The following ADPGK variants were observed in gnomAD, a reference collection of about 807,000 sequenced individuals.
The protein encoded by ADPGK is ADP-dependent glucokinase.
In ADPGK, 26 loss-of-function variants were observed where a neutral mutation model predicts 42.4. That is an observed-to-expected ratio of 0.61 (90% CI 0.45 to 0.85). The LOEUF (loss-of-function observed/expected upper bound fraction) is 0.85. ADPGK is among the 40% of genes least tolerant of loss of function. The probability of loss-of-function intolerance (pLI) is 0.00; values close to 1 mark genes in which losing one functional copy is unlikely to be tolerated. For missense variants in ADPGK, 571 were observed against 627.0 expected (o/e 0.91, Z 0.95); for synonymous variants, 267 against 252.6 (o/e 1.06, Z -0.54).
intron 3 of ADPGK, among the ~76,000 whole-genome samples, chr15:72,763,823 T>G (rs1422673733): frequency 6.6e-6 from 1 of 152,254 alleles, no homozygotes; most frequent in Non-Finnish European, 1.5e-5. Flanking sequence ...ACTTCGTGTC[T>G]CTGTCACATT....
chr15:72,779,089 C>G (rs2066424659), intron 1 of ADPGK, among the ~76,000 whole-genome samples: 1 of 152,034 alleles, frequency 6.6e-6, no homozygotes, highest in Non-Finnish European at 1.5e-5. Flanking sequence ...GAAGTATACA[C>G]AAGCAAAGTT....
chr15:72,772,039 A>G (rs76000940), intron 2 of ADPGK, among the ~76,000 whole-genome samples, 194 bp from the exon 3 acceptor site: 1 of 152,234 alleles, frequency 6.6e-6, no homozygotes, highest in Non-Finnish European at 1.5e-5. Context: ...TGAAGAAAAT[A>G]AATAGGACAA....
At chr15:72,767,861 A>G (rs2066279227) in intron 3 of ADPGK, among the ~76,000 whole-genome samples, 1 of 152,170 alleles carries the variant, frequency 6.6e-6, no homozygotes, top group South Asian at 2.1e-4. Flanking sequence ...GAAAACAGGA[A>G]AGGTCTCAAA....
At chr15:72,755,679 T>C (rs1342750538) in intron 5 of ADPGK, 25 bp from the exon 6 acceptor site, 1 of 1,530,400 alleles carries the variant, frequency 6.5e-7, no homozygotes, top group South Asian at 1.1e-5. Flanking sequence ...AGATAAGCAC[T>C]GCCATTAGAA....
chr15:72,762,646 C>T (rs770194148), intron 3 of ADPGK, among the ~76,000 whole-genome samples: 22 of 152,160 alleles, frequency 1.4e-4, no homozygotes, highest in Non-Finnish European at 2.9e-4. Context: ...GTTTTCAAAA[C>T]ATTGTGTGAA....
At chr15:72,762,859 C>T (rs1444653732) in intron 3 of ADPGK, among the ~76,000 whole-genome samples, 1 of 152,102 alleles carries the variant, frequency 6.6e-6, no homozygotes, top group Non-Finnish European at 1.5e-5. Flanking sequence ...TGGCACACAC[C>T]TGTAATCCCA....
chr15:72,767,079 A>G (rs2066269963), intron 3 of ADPGK, among the ~76,000 whole-genome samples: 1 of 152,228 alleles, frequency 6.6e-6, no homozygotes, highest in African/African-American at 2.4e-5. Context: ...CAAATAGATT[A>G]AAAGCACAAG....
chr15:72,782,128 C>T (rs968276477), intron 1 of ADPGK, among the ~76,000 whole-genome samples: 4 of 152,152 alleles, frequency 2.6e-5, no homozygotes, highest in Admixed American at 2.6e-4. Context: ...TAATATGTTT[C>T]CAACAAGTGA....
At chr15:72,757,566 C>T in intron 4 of ADPGK, 1 of 153,702 alleles carries the variant, frequency 6.5e-6, no homozygotes, top group Non-Finnish European at 1.4e-5. Context: ...AGGGCAGGGC[C>T]TGTGTCATCC....
chr15:72,760,457 T>C lies in ADPGK; in HGVS notation c.593A>G (p.Glu198Gly). Residue 198 changes from glutamate (E) to glycine (G), a missense_variant, in exon 4 of 7, where the codon GAG becomes GGG. By Grantham distance (98) the Glu-to-Gly change is moderately conservative (BLOSUM62 -2). Coordinates refer to ENST00000456471, the MANE Select transcript of ADPGK (RefSeq NM_001365225.1). Reference protein sequence around the residue: ...LLDDNVFVPPESLQEVDEFHL... With the variant: ...LLDDNVFVPPGSLQEVDEFHL... ...GAACTCATCCACTTCCTGCAATGACTCTGGTGGAACAAAGACATTGTCATC... is the reference window on the plus strand; with the variant it reads ...GAACTCATCCACTTCCTGCAATGACCCTGGTGGAACAAAGACATTGTCATC... 3 of 1,610,938 alleles carry C rather than the reference T, an allele frequency of 1.9e-6. No individual in the cohort carries two copies. Among genetic ancestry groups the C allele is most frequent in the Non-Finnish European group, 2.5e-6 (3 of 1,177,614 alleles).
Position 72,752,201 on chromosome 15 carries a change from G to C in ADPGK, c.*140C>G. On this transcript the variant is annotated 3_prime_UTR_variant, in exon 7 of 7. Coordinates refer to ENST00000456471, the MANE Select transcript of ADPGK (RefSeq NM_001365225.1). ...GATTAAAATCTGAAATGTTTTTATGGAGTTGCCAACAGGCTGGAATGTACC... is the reference window on the plus strand; with the variant it reads ...GATTAAAATCTGAAATGTTTTTATGCAGTTGCCAACAGGCTGGAATGTACC... The C allele has an allele frequency of 1.2e-6, 1 of 836,768 alleles. No homozygotes were observed. 51.8% of individuals were successfully genotyped at this position (836,768 alleles called of 1,614,324 possible).
intron 1 of ADPGK, among the ~76,000 whole-genome samples, chr15:72,782,549 C>CAAAA (rs1272027126): frequency 8.5e-6 from 1 of 118,066 alleles, no homozygotes; most frequent in East Asian, 2.9e-4. Context: ...AAAAAAAAAA[C>CAAAA]CCCAAAATTA....
At chr15:72,762,251 T>TCCTCCCAACTCAG (rs2066204997) in intron 3 of ADPGK, among the ~76,000 whole-genome samples, 1 of 152,084 alleles carries the variant, frequency 6.6e-6, no homozygotes, top group Non-Finnish European at 1.5e-5. Context: ...GCTCAAGAGA[T>TCCTCCCAACTCAG]CCTCCCAACT....
At chr15:72,762,378 A>G (rs1306833184) in intron 3 of ADPGK, among the ~76,000 whole-genome samples, 1 of 152,190 alleles carries the variant, frequency 6.6e-6, no homozygotes, top group African/African-American at 2.4e-5. Flanking sequence ...AACTGCTTAT[A>G]TAGACTGCTT....
chr15:72,770,453 C>T (rs1360519734), intron 3 of ADPGK, among the ~76,000 whole-genome samples: 1 of 152,118 alleles, frequency 6.6e-6, no homozygotes, highest in Non-Finnish European at 1.5e-5. Flanking sequence ...AATTATTTCT[C>T]AGGATCAGGA....
intron 6 of ADPGK, among the ~76,000 whole-genome samples, chr15:72,755,225 C>A (rs2066096023): frequency 6.6e-6 from 1 of 152,228 alleles, no homozygotes; most frequent in African/African-American, 2.4e-5. Flanking sequence ...CTCAAAGTTT[C>A]TTTGCTTTGA....
rs1174241331 is a variant in ADPGK, at chr15:72,751,858, GAGA to G, written c.*480_*482del. ...GTCCTAAATTTGAGAGCAGGAGACT[GAGA>G]AGGTTATGCTCATTAAATATTGTCA... On this transcript the variant is annotated 3_prime_UTR_variant, in exon 7 of 7. Coordinates refer to ENST00000456471, the MANE Select transcript of ADPGK (RefSeq NM_001365225.1). 1.9e-5 allele frequency: 3 copies of G among 158,632 alleles called. No homozygotes were observed. Among genetic ancestry groups the G allele is most frequent in the East Asian group, 3.6e-4 (2 of 5,556 alleles). The allele number at this position is 158,632 out of a possible 1,614,324, so 9.8% of individuals were successfully genotyped here. A position where few individuals can be genotyped will look rare whatever the true frequency, so the allele number is the denominator to read the frequency against.
chr15:72,775,828 T>G (rs1429489071), intron 1 of ADPGK, among the ~76,000 whole-genome samples: 2 of 152,134 alleles, frequency 1.3e-5, no homozygotes, highest in Non-Finnish European at 2.9e-5. Flanking sequence ...CTCCTGGTTG[T>G]CTCGATGGAA....
chr15:72,758,133 C>T (rs2066140035), intron 4 of ADPGK: 7 of 1,613,556 alleles, frequency 4.3e-6, no homozygotes, highest in Middle Eastern at 1.7e-4. Flanking sequence ...GAAAGGACCA[C>T]CAGGTCTGGC....
Sources: gnomAD v4.1 joint callset for allele counts (sites outside exome capture counted in the v4.1 genomes callset) on GRCh38, gnomAD v4.1.1 for gene constraint, MANE v1.5 for transcripts, NCBI Gene and HGNC (gene_info 2026-07-23, HGNC 2026-07-21) for gene names.